The following ARID1B variants were observed in gnomAD, a reference collection of about 807,000 sequenced individuals.
ARID1B encodes the protein AT-rich interaction domain 1B.
A neutral mutation model predicts 212.3 loss-of-function variants in ARID1B; 30 were observed. The ratio of observed to expected loss-of-function variants is 0.14; its 90% CI spans 0.11 to 0.19. ARID1B has a LOEUF of 0.19. Ranked by LOEUF, ARID1B falls within the 10% of genes least tolerant of loss-of-function variation. The pLI is 1.00. For missense variants in ARID1B, 2,891 were observed against 3,204.0 expected (o/e 0.90, Z 2.36); for synonymous variants, 1,402 against 1,301.7 (o/e 1.08, Z -1.66).
chr6:157,051,123 G>A (rs1426554608), intron 4 of ARID1B, among the ~76,000 whole-genome samples: 2 of 152,204 alleles, frequency 1.3e-5, no homozygotes, highest in Admixed American at 6.5e-5. Context: ...AATTGACTGG[G>A]GAGATATGCT....
intron 4 of ARID1B, among the ~76,000 whole-genome samples, chr6:157,042,331 G>C (rs1185620470): frequency 1.3e-5 from 2 of 152,130 alleles, no homozygotes; most frequent in Admixed American, 1.3e-4. Flanking sequence ...GAAAGATGGA[G>C]GGACAGAAAT....
intron 12 of ARID1B, 50 bp downstream of exon 12, chr6:157,181,228 TCTTACAGTGG>T: frequency 6.3e-7 from 1 of 1,589,352 alleles, no homozygotes; most frequent in Non-Finnish European, 8.6e-7. Flanking sequence ...GTGGATAAGT[TCTTACAGTGG>T]CTTTCTTTGA....
intron 7 of ARID1B, among the ~76,000 whole-genome samples, chr6:157,144,485 G>GAATATA (rs1789582889): frequency 1.3e-5 from 2 of 152,202 alleles, no homozygotes; most frequent in African/African-American, 4.8e-5. Context: ...TTAATTACTT[G>GAATATA]TGCATTCAAA....
chr6:156,891,103 A>C (rs972645709), intron 2 of ARID1B, among the ~76,000 whole-genome samples: 1 of 152,208 alleles, frequency 6.6e-6, no homozygotes, highest in Non-Finnish European at 1.5e-5. Context: ...TTGACTGGAC[A>C]TGTTGACATA....
At chr6:157,120,581 A>T (rs534979752) in intron 6 of ARID1B, among the ~76,000 whole-genome samples, 1 of 152,280 alleles carries the variant, frequency 6.6e-6, no homozygotes, top group South Asian at 2.1e-4. Flanking sequence ...TATTTTTTTA[A>T]ATCTATTTTT....
chr6:156,992,226 T>C (rs1170340198), intron 4 of ARID1B, among the ~76,000 whole-genome samples: 1 of 152,212 alleles, frequency 6.6e-6, no homozygotes, highest in Non-Finnish European at 1.5e-5. Flanking sequence ...TAACTAGTTG[T>C]AGATACAGAC....
At chr6:157,171,207 C>CTT (rs1239028581) in intron 9 of ARID1B, among the ~76,000 whole-genome samples, 1 of 152,220 alleles carries the variant, frequency 6.6e-6, no homozygotes, top group African/African-American at 2.4e-5. Flanking sequence ...TTTAAGAAAT[C>CTT]GTTCTAGTTC....
intron 11 of ARID1B, chr6:157,175,598 A>G (rs1319457944): frequency 1.3e-5 from 2 of 152,236 alleles, no homozygotes; most frequent in Non-Finnish European, 2.9e-5. Flanking sequence ...ATGTGTACCT[A>G]TGTTAGAATC....
At chr6:157,122,123 A>C (rs576751162) in intron 6 of ARID1B, among the ~76,000 whole-genome samples, 1 of 152,212 alleles carries the variant, frequency 6.6e-6, no homozygotes, top group Non-Finnish European at 1.5e-5. Context: ...CATTAGGCCA[A>C]CTAGGCCAGT....
intron 1 of ARID1B, among the ~76,000 whole-genome samples, chr6:156,781,092 G>T (rs561361219): frequency 1.3e-5 from 2 of 152,180 alleles, no homozygotes; most frequent in South Asian, 4.1e-4. Flanking sequence ...TATCAGTTCT[G>T]ACTGTTCAAA....
intron 4 of ARID1B, among the ~76,000 whole-genome samples, chr6:156,967,542 T>G (rs967242952): frequency 2.0e-5 from 3 of 152,248 alleles, no homozygotes; most frequent in Non-Finnish European, 4.4e-5. Context: ...AGAATGTGTG[T>G]ATGTTTGTAC....
intron 3 of ARID1B, among the ~76,000 whole-genome samples, chr6:156,906,475 G>A (rs1184570859): frequency 1.4e-5 from 2 of 145,940 alleles, no homozygotes; most frequent in Non-Finnish European, 3.0e-5. Context: ...AACCCGGGAG[G>A]CAGAGGTTGT....
chr6:156,918,068 G>A (rs284419), intron 3 of ARID1B, among the ~76,000 whole-genome samples: 34,267 of 152,058 alleles, frequency 0.23, 4,298 homozygotes, highest in African/African-American at 0.3. Context: ...AATCCACATA[G>A]TAAGCAAAAT....
chr6:156,788,671 G>A (rs1203566639), intron 1 of ARID1B, among the ~76,000 whole-genome samples: 6 of 152,168 alleles, frequency 3.9e-5, no homozygotes, highest in African/African-American at 1.4e-4. Context: ...CTGAATATAT[G>A]ATTTAGACTT....
rs182227477 is a variant in ARID1B, at chr6:156,919,417, C to A, written c.2137-16049C>A. Among the ~76,000 whole-genome samples the A allele has an allele frequency of 2.5e-3, 380 of 151,434 alleles. 1 individual carries two copies. The highest frequency in any genetic ancestry group is 3.9e-3 in the Non-Finnish European group (268 of 67,922). ...TTCTTTCTAGTACCAGAATTAAAAC[C>A]AGGAAGTGAGGAATTATATAGTAAT... On this transcript the variant is annotated intron_variant, in intron 3 of 19. Coordinates refer to ENST00000636930, the MANE Select transcript of ARID1B (RefSeq NM_001374828.1).
At chr6:157,189,876 C>A (rs1021500590) in intron 14 of ARID1B, 96 bp downstream of exon 14, 1 of 1,584,110 alleles carries the variant, frequency 6.3e-7, no homozygotes, top group African/African-American at 1.4e-5. Flanking sequence ...ATGGTATTCC[C>A]TAGAGAGTTT....
At chr6:157,145,029 C>T (rs12526656) in intron 7 of ARID1B, among the ~76,000 whole-genome samples, 8,306 of 152,216 alleles carry the variant, frequency 0.055, 266 homozygotes, top group Non-Finnish European at 0.067. Flanking sequence ...GAGGTGTCTG[C>T]GCTGTGCCTC....
chr6:157,023,301 T>A (rs1206455221), intron 4 of ARID1B: 2 of 152,232 alleles, frequency 1.3e-5, no homozygotes, highest in Non-Finnish European at 2.9e-5. Flanking sequence ...CAGCTCTTTT[T>A]AGATTTTGAG....
At chr6:157,059,439 G>A (rs1248559691) in intron 4 of ARID1B, among the ~76,000 whole-genome samples, 1 of 152,176 alleles carries the variant, frequency 6.6e-6, no homozygotes, top group Non-Finnish European at 1.5e-5. Context: ...GTAAATATTT[G>A]ATAGTATACT....
Sources: allele counts gnomAD v4.1 joint callset (sites outside exome capture counted in the v4.1 genomes callset), GRCh38; gene constraint gnomAD v4.1.1; transcripts MANE v1.5; gene names NCBI Gene and HGNC (gene_info 2026-07-23, HGNC 2026-07-21).